SPIN1: variants seen among roughly 807,000 people sequenced by gnomAD.
SPIN1 encodes spindlin 1.
Under a neutral mutation model 26.0 loss-of-function variants are expected in SPIN1, and 3 were observed. That is an observed-to-expected ratio of 0.12 (90% CI 0.05 to 0.30). The LOEUF (loss-of-function observed/expected upper bound fraction) is 0.30, where lower values mean the gene tolerates loss of function less well. Ranked by LOEUF, SPIN1 falls within the 10% of genes least tolerant of loss-of-function variation. The pLI, the probability that SPIN1 is intolerant of heterozygous loss-of-function variation, is 1.00. For synonymous variants in SPIN1, 101 were observed against 116.5 expected, an observed-to-expected ratio of 0.87 and a Z score of 0.86; for missense variants, 126 against 333.4, an observed-to-expected ratio of 0.38 and a Z score of 4.84.
chr9:88,465,878 GAA>G (rs1564043715), intron 4 of SPIN1, among the ~76,000 whole-genome samples: 1 of 152,200 alleles, frequency 6.6e-6, no homozygotes, highest in Non-Finnish European at 1.5e-5. Flanking sequence ...TACCTGAACT[GAA>G]AGAGCAGATC....
intron 1 of SPIN1, among the ~76,000 whole-genome samples, chr9:88,409,914 C>T (rs988714036): frequency 1.3e-4 from 20 of 151,788 alleles, no homozygotes; most frequent in Admixed American, 1.1e-3. Flanking sequence ...TTAAGTTCAG[C>T]AATTCAGGAT....
intron 2 of SPIN1, among the ~76,000 whole-genome samples, chr9:88,443,670 G>A (rs1828185370): frequency 6.6e-6 from 1 of 152,186 alleles, no homozygotes; most frequent in African/African-American, 2.4e-5. Context: ...AGGAGCTGTG[G>A]TAATAGGTCT....
chr9:88,416,107 ACT>A (rs1827558796), intron 1 of SPIN1, among the ~76,000 whole-genome samples: 1 of 151,820 alleles, frequency 6.6e-6, no homozygotes, highest in African/African-American at 2.4e-5. Flanking sequence ...TTTGAGTTGT[ACT>A]CTGAGTATTT....
At chr9:88,420,338 G>A (rs561746788) in intron 1 of SPIN1, among the ~76,000 whole-genome samples, 1 of 152,334 alleles carries the variant, frequency 6.6e-6, no homozygotes, top group South Asian at 2.1e-4. Context: ...TTGCGCCATT[G>A]CACTTCCAGC....
At chr9:88,419,323 A>C (rs1827629631) in intron 1 of SPIN1, among the ~76,000 whole-genome samples, 2 of 152,048 alleles carry the variant, frequency 1.3e-5, no homozygotes, top group Non-Finnish European at 2.9e-5. Context: ...ACTCTCTTTA[A>C]ATTAGCCAAT....
At chr9:88,445,336 A>G (rs1015135914) in intron 2 of SPIN1, among the ~76,000 whole-genome samples, 4 of 151,860 alleles carry the variant, frequency 2.6e-5, no homozygotes, top group African/African-American at 7.3e-5. Flanking sequence ...AGGCCATCAC[A>G]TACTTAATTC....
At chr9:88,455,195 T>C (rs952498498) in intron 3 of SPIN1, among the ~76,000 whole-genome samples, 33 of 152,250 alleles carry the variant, frequency 2.2e-4, no homozygotes, top group African/African-American at 6.3e-4. Flanking sequence ...CCGGGCGCGG[T>C]GGCTCACACC....
chr9:88,428,873 AT>A (rs1340787631), intron 2 of SPIN1, among the ~76,000 whole-genome samples: 1 of 152,110 alleles, frequency 6.6e-6, no homozygotes, highest in Non-Finnish European at 1.5e-5. Flanking sequence ...TTTCTTGCCT[AT>A]TCTCTCTTTC....
intron 4 of SPIN1, among the ~76,000 whole-genome samples, chr9:88,467,037 CTAAT>C (rs537738975): frequency 6.9e-4 from 104 of 151,792 alleles, no homozygotes; most frequent in African/African-American, 1.5e-3. Context: ...GTGCTTGTCT[CTAAT>C]TGTTTGTTTG....
chr9:88,435,689 C>T (rs1313217815), intron 2 of SPIN1, among the ~76,000 whole-genome samples: 1 of 152,012 alleles, frequency 6.6e-6, no homozygotes, highest in Non-Finnish European at 1.5e-5. Flanking sequence ...TTTTTTACAT[C>T]AGAGTTATTA....
chr9:88,399,267 C>A (rs1038268240), intron 1 of SPIN1, among the ~76,000 whole-genome samples: 1 of 151,794 alleles, frequency 6.6e-6, no homozygotes, highest in African/African-American at 2.4e-5. Flanking sequence ...CTCCTGACCT[C>A]GTGATCCACC....
At chr9:88,418,758 A>T (rs138862020) in intron 1 of SPIN1, 2 of 152,158 alleles carry the variant, frequency 1.3e-5, no homozygotes, top group African/African-American at 4.8e-5. Flanking sequence ...GAAGCAATCT[A>T]TGTGTTTATT....
At chr9:88,456,217 A>T (rs542043240) in intron 3 of SPIN1, among the ~76,000 whole-genome samples, 1 of 152,338 alleles carries the variant, frequency 6.6e-6, no homozygotes, top group East Asian at 1.9e-4. Context: ...ATACACAGAT[A>T]GAAAATAATA....
intron 1 of SPIN1, among the ~76,000 whole-genome samples, chr9:88,417,232 TAA>T (rs1197227998): frequency 1.3e-5 from 2 of 152,204 alleles, no homozygotes; most frequent in African/African-American, 4.8e-5. Flanking sequence ...TAATCCCCAC[TAA>T]GTTAGAAAGG....
chr9:88,426,947 A>G (rs1349724947), intron 2 of SPIN1, among the ~76,000 whole-genome samples: 7 of 152,212 alleles, frequency 4.6e-5, no homozygotes, highest in Non-Finnish European at 1.0e-4. Flanking sequence ...ACTTTTAGGA[A>G]GAAAGATAAA....
intron 1 of SPIN1, chr9:88,391,477 C>T (rs531029222): frequency 1.9e-5 from 3 of 154,424 alleles, no homozygotes; most frequent in African/African-American, 7.2e-5. Context: ...ATTCTGAACT[C>T]TCCCTTTGGC....
At chr9:88,389,269 C>T (rs1445539239) in intron 1 of SPIN1, 2 of 152,228 alleles carry the variant, frequency 1.3e-5, no homozygotes, top group Non-Finnish European at 2.9e-5. Context: ...GGCACTTTTC[C>T]TCTCCATCGT....
chr9:88,396,895 T>G (rs1827074146), intron 1 of SPIN1, among the ~76,000 whole-genome samples: 1 of 152,008 alleles, frequency 6.6e-6, no homozygotes, highest in African/African-American at 2.4e-5. Flanking sequence ...CACAGTGCTG[T>G]GTAGGTATTT....
rs1388932427 is a variant in SPIN1 at position 88,478,006 on chromosome 9, TTTG to T, written c.*2732_*2734del. On this transcript the variant is annotated 3_prime_UTR_variant, in exon 6 of 6. Transcript: ENST00000375859. ...GGTTTTTTTGTTTTCTTTATTTTTA[TTTG>T]TTTTCAGTTTCCTGTATATTTGCTT... The T allele has an allele frequency of 1.3e-5, 2 of 152,188 alleles. No individual in the cohort carries two copies. Among genetic ancestry groups the T allele is most frequent in the Non-Finnish European group, 2.9e-5 (2 of 68,018 alleles). 9.4% of individuals were successfully genotyped at this position (152,188 alleles called of 1,614,324 possible). A position where few individuals can be genotyped will look rare whatever the true frequency, so the allele number is the denominator to read the frequency against.
Sources: allele counts gnomAD v4.1 joint callset (sites outside exome capture counted in the v4.1 genomes callset), GRCh38; gene constraint gnomAD v4.1.1; transcripts MANE v1.5; gene names NCBI Gene and HGNC (gene_info 2026-07-23, HGNC 2026-07-21).